The following MAGI3 variants were observed in gnomAD, a reference collection of about 807,000 sequenced individuals.
The protein encoded by MAGI3 is membrane-associated guanylate kinase, WW and PDZ domain-containing protein 3.
A neutral mutation model predicts 121.8 loss-of-function variants in MAGI3; 43 were observed. The observed-to-expected ratio is 0.35, with a 90% confidence interval of 0.28 to 0.46. MAGI3 has a LOEUF of 0.46. MAGI3 is among the 20% of genes least tolerant of loss of function. MAGI3 has a pLI of 1.00. For synonymous variants in MAGI3, 553 were observed against 639.3 expected (o/e 0.86, Z 2.04); for missense variants, 1,547 against 1,797.3 (o/e 0.86, Z 2.52).
At chr1:113,402,609 T>A (rs538662125) in intron 1 of MAGI3, among the ~76,000 whole-genome samples, 1 of 152,228 alleles carries the variant, frequency 6.6e-6, no homozygotes, top group South Asian at 2.1e-4. Flanking sequence ...GAGTCAGCTG[T>A]GCTTTTATTT....
chr1:113,424,189 CCA>C (rs1232526261), intron 1 of MAGI3, among the ~76,000 whole-genome samples: 1 of 151,448 alleles, frequency 6.6e-6, no homozygotes, highest in Non-Finnish European at 1.5e-5. Context: ...GCAGCTCCAG[CCA>C]CCCCCGCCGC....
intron 9 of MAGI3, among the ~76,000 whole-genome samples, chr1:113,637,611 A>G (rs1652125798): frequency 6.6e-6 from 1 of 151,990 alleles, no homozygotes; most frequent in Admixed American, 6.6e-5. Flanking sequence ...TGTTAGTCTG[A>G]TGGGCTTCCC....
At chr1:113,460,584 C>A (rs1453044093) in intron 1 of MAGI3, among the ~76,000 whole-genome samples, 1 of 151,978 alleles carries the variant, frequency 6.6e-6, no homozygotes, top group African/African-American at 2.4e-5. Flanking sequence ...CCGAGGTGGG[C>A]GGATCATGAA....
intron 9 of MAGI3, among the ~76,000 whole-genome samples, chr1:113,627,101 G>A (rs2101796654): frequency 6.6e-6 from 1 of 151,966 alleles, no homozygotes; most frequent in Non-Finnish European, 1.5e-5. Flanking sequence ...TGCTTTTGCT[G>A]TATCCCATAG....
intron 1 of MAGI3, among the ~76,000 whole-genome samples, chr1:113,488,988 C>G (rs1389504734): frequency 1.3e-5 from 2 of 152,216 alleles, no homozygotes; most frequent in South Asian, 2.1e-4. Flanking sequence ...CTTCACTACT[C>G]TGGTGAACAC....
chr1:113,416,094 GTAATTAATGACACATATTAATTA>G (rs1652310795), intron 1 of MAGI3, among the ~76,000 whole-genome samples: 1 of 145,868 alleles, frequency 6.9e-6, no homozygotes, highest in African/African-American at 2.5e-5. Context: ...TATTAATTAT[GTAATTAATGACACATATTAATTA>G]TGTAATTAAT....
intron 1 of MAGI3, among the ~76,000 whole-genome samples, chr1:113,397,690 A>G (rs963279342): frequency 6.6e-6 from 1 of 152,202 alleles, no homozygotes; most frequent in Non-Finnish European, 1.5e-5. Flanking sequence ...CATTATGAAT[A>G]GTCTCCTGTA....
chr1:113,649,074 T>TTG (rs769341960), intron 12 of MAGI3, among the ~76,000 whole-genome samples, 163 bp from the exon 13 acceptor site: 330 of 152,196 alleles, frequency 2.2e-3, no homozygotes, highest in Middle Eastern at 6.8e-3. Context: ...TATAGTTGAA[T>TTG]TGTGTGTGTG....
intron 3 of MAGI3, among the ~76,000 whole-genome samples, chr1:113,583,363 C>T (rs1648152686): frequency 6.6e-6 from 1 of 151,746 alleles, no homozygotes. Flanking sequence ...TCTTTTTAAA[C>T]AAGGAAACTG....
At chr1:113,545,492 G>A (rs1659495788) in intron 1 of MAGI3, among the ~76,000 whole-genome samples, 1 of 152,186 alleles carries the variant, frequency 6.6e-6, no homozygotes, top group Admixed American at 6.5e-5. Flanking sequence ...ACAGCTGCTT[G>A]CCTGGCCATT....
intron 6 of MAGI3, among the ~76,000 whole-genome samples, chr1:113,595,567 G>A (rs1306377427): frequency 1.3e-5 from 2 of 152,236 alleles, no homozygotes; most frequent in African/African-American, 4.8e-5. Flanking sequence ...TGTTCAGCAT[G>A]ATTATAATAT....
At position 113,580,616 on chromosome 1, in the gene MAGI3, G is replaced by A; in HGVS notation, c.508G>A (p.Ala170Thr). The A allele has an allele frequency of 2.5e-6, 4 of 1,611,446 alleles. No individual in the cohort carries two copies. In the South Asian group the frequency reaches 4.4e-5, roughly 18 times the overall value. Reference protein sequence around the residue: ...YNFISVEQFKALEESGALLES... With the variant: ...YNFISVEQFKTLEESGALLES... ...TTTCATTTCCGTTGAACAGTTCAAA[G>A]CACTGGAAGAGAGTGGAGCATTGTT... is the stretch of plus-strand genomic sequence containing the variant. The change falls in exon 3 of 21, where the codon GCA becomes ACA. Residue 170 changes from alanine to threonine, a missense_variant. Transcript: ENST00000307546.
Position 113,478,076 on chromosome 1 carries a change from A to G in MAGI3, c.317-71439A>G, listed in dbSNP as rs567140563. ...TTCTCGTGCCATGGTTTTCAGCTCC[A>G]TCAGGTCATTTAAGGTCTTCTCTAC... On this transcript the variant is annotated intron_variant, in intron 1 of 20. Transcript: ENST00000307546. Among the ~76,000 whole-genome samples the G allele has an allele frequency of 2.3e-3, 346 of 152,294 alleles. 2 individuals carry two copies. Among genetic ancestry groups the G allele is most frequent in the African/African-American group, 8.0e-3 (332 of 41,560 alleles).
At chr1:113,394,904 T>G (rs922815238) in intron 1 of MAGI3, among the ~76,000 whole-genome samples, 1 of 152,084 alleles carries the variant, frequency 6.6e-6, no homozygotes, top group African/African-American at 2.4e-5. Context: ...TAGGTAAAAG[T>G]CTTCACTGCT....
At chr1:113,429,786 C>T (rs540488175) in intron 1 of MAGI3, among the ~76,000 whole-genome samples, 2 of 152,244 alleles carry the variant, frequency 1.3e-5, no homozygotes, top group South Asian at 4.1e-4. Context: ...AAGGGAGTAG[C>T]CTCTGATCCC....
chr1:113,549,542 ATTACC>A lies in MAGI3; in HGVS notation c.346_350del (p.Tyr116LysfsTer10). The A allele has an allele frequency of 6.2e-7, 1 of 1,602,050 alleles. No homozygotes were observed. Among genetic ancestry groups the A allele is most frequent in the Non-Finnish European group, 8.5e-7 (1 of 1,174,684 alleles). On this transcript the variant is annotated frameshift_variant, in exon 2 of 21. Coordinates refer to ENST00000307546, the MANE Select transcript of MAGI3 (RefSeq NM_001142782.2). LOFTEE classifies it high-confidence loss of function. ...AAAGTCATTAATAAAGATTTGCGGC[ATTACC>A]TAAGTCTTCAGTTTCAAAAAGGATC... is the stretch of plus-strand genomic sequence containing the variant.
rs918170759 is a variant in MAGI3 at position 113,475,925 on chromosome 1, G to A, written c.317-73590G>A. ...TCAGAGTCTGTTATTGGTCTATTCA[G>A]AGATTCACCTTCTTCCTGGTTTAGT... On this transcript the variant is annotated intron_variant, in intron 1 of 20. Coordinates refer to ENST00000307546, the MANE Select transcript of MAGI3 (RefSeq NM_001142782.2). Among the ~76,000 whole-genome samples, 2 of 152,168 alleles carry A rather than the reference G, an allele frequency of 1.3e-5. 1 individual carries two copies. The highest frequency in any genetic ancestry group is 4.1e-4 in the South Asian group (2 of 4,830).
chr1:113,666,724 A>G (rs1654061998), intron 16 of MAGI3, among the ~76,000 whole-genome samples: 1 of 152,208 alleles, frequency 6.6e-6, no homozygotes, highest in Admixed American at 6.5e-5. Flanking sequence ...CCAGGTTTTC[A>G]GTTTGCTTTG....
intron 1 of MAGI3, among the ~76,000 whole-genome samples, chr1:113,473,719 A>G (rs1016549432): frequency 2.2e-4 from 33 of 152,262 alleles, no homozygotes; most frequent in Middle Eastern, 3.4e-3. Context: ...TAGTACTGCA[A>G]TAAACATATG....
Sources: allele counts gnomAD v4.1 joint callset (sites outside exome capture counted in the v4.1 genomes callset), GRCh38; gene constraint gnomAD v4.1.1; transcripts MANE v1.5; gene names NCBI Gene and HGNC (gene_info 2026-07-23, HGNC 2026-07-21).